The following ZDHHC7 variants were observed in gnomAD, a reference collection of about 807,000 sequenced individuals.
ZDHHC7 encodes zDHHC palmitoyltransferase 7.
A neutral mutation model predicts 34.1 loss-of-function variants in ZDHHC7; 12 were observed. That is an observed-to-expected ratio of 0.35 (90% confidence interval 0.23 to 0.57). ZDHHC7 has a LOEUF of 0.57. Among genes scored for constraint, ZDHHC7 ranks in the 20% least tolerant of loss-of-function variants. The pLI is 0.84. For synonymous variants in ZDHHC7, 185 were observed against 155.4 expected (o/e 1.19, Z -1.42); for missense variants, 388 against 402.7 (o/e 0.96, Z 0.31).
rs1174450265 is a variant in ZDHHC7 at position 84,974,451 on chromosome 16, T to C, written c.*1892A>G. 1 of 152,202 alleles carries C rather than the reference T, an allele frequency of 6.6e-6. No individual in the cohort carries two copies. The highest frequency in any genetic ancestry group is 1.5e-5 in the Non-Finnish European group (1 of 68,032). The allele number at this position is 152,202 out of a possible 1,614,324, so 9.4% of individuals were successfully genotyped here. On this transcript the variant is annotated 3_prime_UTR_variant, in exon 8 of 8. Transcript: ENST00000313732. ...CACCATCCAGGAAGAACGGGCGCTTTGGAAGCCATTTGAGAACTGTTAATT... is the reference window on the plus strand; with the variant it reads ...CACCATCCAGGAAGAACGGGCGCTTCGGAAGCCATTTGAGAACTGTTAATT...
At chr16:85,023,198 G>T in the ZDHHC7 span, among the ~76,000 whole-genome samples, 1 of 142,890 alleles carries the variant, frequency 7.0e-6, no homozygotes, top group African/African-American at 2.6e-5. Context: ...ACGAAGTATC[G>T]CTCTGTCGCC....
At chr16:85,009,532 G>T (rs902350849) in intron 1 of ZDHHC7, among the ~76,000 whole-genome samples, 1 of 150,694 alleles carries the variant, frequency 6.6e-6, no homozygotes, top group Non-Finnish European at 1.5e-5. Context: ...GAATCCTTTG[G>T]GAATTACCTT....
At chr16:84,988,165 C>T (rs1428690936) in intron 3 of ZDHHC7, among the ~76,000 whole-genome samples, 5 of 151,578 alleles carry the variant, frequency 3.3e-5, no homozygotes, top group African/African-American at 2.4e-5. Context: ...AGTGAGACTC[C>T]GTCTCAAAAA....
At position 84,981,836 on chromosome 16, in the gene ZDHHC7, G is replaced by C. The variant is rs374212828; in HGVS notation, c.440+34C>G. ...AGCAGCACACGTACCCGCAGTGGCG[G>C]ATGCGCTCGGGTTTAATACAGCAGC... On this transcript the variant is annotated intron_variant, in intron 4 of 7. Transcript: ENST00000313732. The C allele has an allele frequency of 9.9e-6, 16 of 1,613,152 alleles. No individual in the cohort carries two copies. In the African/African-American group the frequency reaches 2.0e-4, roughly 20 times the overall value.
In ZDHHC7 at chr16:84,990,499, C is replaced by T. The variant is rs150399627; in HGVS notation, c.120G>A (p.Trp40Ter). The T allele has an allele frequency of 3.7e-6, 6 of 1,614,068 alleles. No individual in the cohort carries two copies. Among genetic ancestry groups the T allele is most frequent in the African/African-American group, 2.7e-5 (2 of 74,926 alleles). ...SSEADVADRV[W>*]FIRDGCGMIC... The stretch of plus-strand genomic sequence containing the variant: ...TCATGCCGCAGCCGTCACGGATGAA[C>T]CAGACCCGGTCAGCCACGTCAGCCT... Residue 40 changes from tryptophan (W) to a stop codon, truncating the protein, a stop_gained, in exon 3 of 8, where the codon TGG (tryptophan) becomes TGA (stop). Coordinates refer to ENST00000313732, the MANE Select transcript of ZDHHC7 (RefSeq NM_017740.3). LOFTEE classifies it high-confidence loss of function.
At chr16:85,023,467 T>C in the ZDHHC7 span, among the ~76,000 whole-genome samples, 57 of 151,860 alleles carry the variant, frequency 3.8e-4, no homozygotes, top group African/African-American at 1.2e-3. Context: ...ACCTGGCCAA[T>C]TGTGTTGTTT....
intron 6 of ZDHHC7, among the ~76,000 whole-genome samples, 194 bp downstream of exon 6, chr16:84,977,730 A>G (rs1300108635): frequency 6.6e-6 from 1 of 152,276 alleles, no homozygotes; most frequent in Non-Finnish European, 1.5e-5. Flanking sequence ...GCAGACAGAC[A>G]CAAGCTTTTG....
In ZDHHC7 at chr16:84,979,245, G is replaced by A; in HGVS notation, c.481C>T (p.Pro161Ser). ...RCIRKMDHHC[P>S]WVNNCVGEKN... ...TCTCCTACACAATTGTTCACCCACG[G>A]GCAGTGATGATCCATTTTCCGAATA... The change falls in exon 5 of 8, where the codon CCG becomes TCG. Residue 161 changes from proline to serine, a missense_variant. Physicochemically the swap from Pro to Ser is moderately conservative, Grantham distance 74. Transcript: ENST00000313732. 1 of 1,608,382 alleles carries A rather than the reference G, an allele frequency of 6.2e-7. No individual in the cohort carries two copies. The highest frequency in any genetic ancestry group is 8.5e-7 in the Non-Finnish European group (1 of 1,178,974).
intron 3 of ZDHHC7, among the ~76,000 whole-genome samples, chr16:84,986,152 G>A (rs971668313): frequency 1.3e-5 from 2 of 152,180 alleles, no homozygotes; most frequent in Non-Finnish European, 2.9e-5. Context: ...ATCTGGGGGA[G>A]GGGAACGGCG....
chr16:85,025,353 A>C, the ZDHHC7 span, among the ~76,000 whole-genome samples: 1 of 151,786 alleles, frequency 6.6e-6, no homozygotes, highest in East Asian at 1.9e-4. Context: ...TGATGACATC[A>C]CTTGTGCCCC....
chr16:84,977,270 G>T lies in ZDHHC7; in HGVS notation c.620-45C>A, dbSNP rs141276171. ...GGTTATAACTGGTCCTGAATACCCCGAGTGGCAGAATGTTTGGCTCAGAGA... is the reference window on the plus strand; with the variant it reads ...GGTTATAACTGGTCCTGAATACCCCTAGTGGCAGAATGTTTGGCTCAGAGA... On this transcript the variant is annotated intron_variant, in intron 6 of 7. Coordinates refer to ENST00000313732, the MANE Select transcript of ZDHHC7 (RefSeq NM_017740.3). 5,299 of 1,603,780 alleles carry T rather than the reference G, an allele frequency of 3.3e-3. 167 individuals are homozygous for T. In the Admixed American group the frequency reaches 0.066, roughly 20 times the overall value.
chr16:85,015,334 C>A (rs2072829683), upstream of ZDHHC7, among the ~76,000 whole-genome samples: 1 of 152,054 alleles, frequency 6.6e-6, no homozygotes, highest in Non-Finnish European at 1.5e-5. Context: ...CTCCTGACCT[C>A]AGGCGATCCA....
intron 1 of ZDHHC7, among the ~76,000 whole-genome samples, chr16:85,007,019 G>A (rs780331847): frequency 2.0e-4 from 31 of 152,014 alleles, no homozygotes; most frequent in Non-Finnish European, 1.3e-4. Context: ...AGAAGAACAC[G>A]GTGTTTTCAA....
intron 3 of ZDHHC7, among the ~76,000 whole-genome samples, chr16:84,987,911 AATC>A (rs1255639531): frequency 6.6e-5 from 10 of 152,340 alleles, no homozygotes; most frequent in African/African-American, 1.9e-4. Context: ...TCACGCCTGT[AATC>A]ATCCCAGCAC....
At chr16:85,016,767 A>C in the ZDHHC7 span, among the ~76,000 whole-genome samples, 1 of 151,346 alleles carries the variant, frequency 6.6e-6, no homozygotes, top group Non-Finnish European at 1.5e-5. Flanking sequence ...TCTCGTTAAA[A>C]TACTTAACAG....
At chr16:84,981,489 T>C (rs569951866) in intron 4 of ZDHHC7, among the ~76,000 whole-genome samples, 104 of 152,368 alleles carry the variant, frequency 6.8e-4, no homozygotes, top group African/African-American at 2.5e-3. Context: ...GGGAAGGTTC[T>C]GAGCCTTTCT....
At chr16:84,989,732 G>A (rs947805318) in intron 3 of ZDHHC7, among the ~76,000 whole-genome samples, 5 of 147,172 alleles carry the variant, frequency 3.4e-5, no homozygotes, top group South Asian at 2.1e-4. Flanking sequence ...TCTTATTAAC[G>A]TCTGGGTACC....
intron 5 of ZDHHC7, among the ~76,000 whole-genome samples, chr16:84,978,353 G>C (rs555172994): frequency 2.0e-4 from 31 of 152,212 alleles, no homozygotes; most frequent in African/African-American, 7.5e-4. Context: ...CCTCCATCTT[G>C]TCAGAGAAAA....
chr16:85,011,402 T>C lies in ZDHHC7; in HGVS notation c.-220A>G, dbSNP rs2270847. 61,615 of 152,462 alleles carry C rather than the reference T, an allele frequency of 0.4. 13,650 individuals are homozygous for C. The highest frequency in any genetic ancestry group is 0.6 in the African/African-American group (24,682 of 41,428). The allele number at this position is 152,462 out of a possible 1,614,324, so 9.4% of individuals were successfully genotyped here. ...CATGCGGCCGCGCTCATGGCCGGGC[T>C]GGAGCGGGCCCCGCGGCTCGGCTCG... On this transcript the variant is annotated 5_prime_UTR_variant, in exon 1 of 8. Transcript: ENST00000313732.
Sources: allele counts gnomAD v4.1 joint callset (sites outside exome capture counted in the v4.1 genomes callset), GRCh38; gene constraint gnomAD v4.1.1; transcripts MANE v1.5; gene names NCBI Gene and HGNC (gene_info 2026-07-23, HGNC 2026-07-21).